PCCB: variants seen among roughly 807,000 people sequenced by gnomAD.
The protein encoded by PCCB is propionyl-CoA carboxylase subunit beta.
PCCB carries 43 observed loss-of-function variants against 60.7 expected under a neutral mutation model. The observed-to-expected ratio is 0.71, with a 90% CI of 0.55 to 0.91. The LOEUF is 0.91. Among genes scored for constraint, PCCB ranks in the 40% least tolerant of loss-of-function variants. The probability of loss-of-function intolerance (pLI) is 0.00; values close to 1 mark genes in which losing one functional copy is unlikely to be tolerated. For missense variants in PCCB, 766 were observed against 702.8 expected (o/e 1.09, Z -1.02); for synonymous variants, 276 against 255.9 (o/e 1.08, Z -0.75).
rs1446526690 is a variant in PCCB at position 136,251,669 on chromosome 3, G to A, written c.183+1111G>A. ...CTAACCTACTCTGTTAGGGCTGAGG[G>A]AGATGTTAGATCATCCTCTGGAAAG... is the stretch of plus-strand genomic sequence containing the variant. On this transcript the variant is annotated intron_variant, in intron 1 of 14. Transcript: ENST00000251654. Among the ~76,000 whole-genome samples, 7 of 152,098 alleles carry A rather than the reference G, an allele frequency of 4.6e-5. No homozygotes were observed. The East Asian group carries it at 1.3e-3, about 29-fold the overall frequency.
In PCCB at chr3:136,283,843, G is replaced by A; in HGVS notation, c.550G>A (p.Val184Ile). The change falls in exon 6 of 15, where the codon GTT becomes ATT. Residue 184 changes from valine (V) to isoleucine (I), a missense_variant. Transcript: ENST00000251654. ...TGCTTTTCTGTTTTGGCAGAGGAAT[G>A]TTACGGCATCCGGAGTCATCCCTCA... The part of the protein sequence containing the change: ...AGYADIFLRN[V>I]TASGVIPQIS... 1 of 1,610,952 alleles carries A rather than the reference G, an allele frequency of 6.2e-7. No individual in the cohort carries two copies. The highest frequency in any genetic ancestry group is 1.1e-5 in the South Asian group (1 of 91,000).
chr3:136,297,863 T>G (rs955547843), intron 7 of PCCB, 89 bp from the exon 8 acceptor site: 3 of 1,433,760 alleles, frequency 2.1e-6, no homozygotes, highest in Non-Finnish European at 3.0e-6. Context: ...GCTACTGACA[T>G]GCCCTAGAAG....
intron 4 of PCCB, 141 bp from the exon 5 acceptor site, chr3:136,261,811 G>C (rs983535636): frequency 1.5e-6 from 1 of 683,886 alleles, no homozygotes; most frequent in African/African-American, 1.8e-5. Flanking sequence ...CAATCGTGAT[G>C]GGGAGTGAAA....
rs1369992194 is a variant in PCCB, at chr3:136,261,944, T to C, written c.430-8T>C. On this transcript the variant is annotated splice_region_variant and splice_polypyrimidine_tract_variant and intron_variant, in intron 4 of 14. Coordinates refer to ENST00000251654, the MANE Select transcript of PCCB (RefSeq NM_000532.5). ...TTGTCTCAATAAAAGATTTCTCTGC[T>C]GTCTCAGATCATGGACCAGGCCATA... 1 of 1,510,216 alleles carries C rather than the reference T, an allele frequency of 6.6e-7. No homozygotes were observed. The highest frequency in any genetic ancestry group is 9.0e-7 in the Non-Finnish European group (1 of 1,107,584). 93.6% of individuals were successfully genotyped at this position (1,510,216 alleles called of 1,614,324 possible). A position where few individuals can be genotyped will look rare whatever the true frequency, so the allele number is the denominator to read the frequency against.
At chr3:136,282,939 A>G (rs1359318132) in intron 5 of PCCB, among the ~76,000 whole-genome samples, 9 of 152,160 alleles carry the variant, frequency 5.9e-5, no homozygotes. Context: ...GAACCCCAAA[A>G]TACTCGTTTT....
chr3:136,286,891 C>T (rs894406351), intron 6 of PCCB, among the ~76,000 whole-genome samples: 1 of 151,784 alleles, frequency 6.6e-6, no homozygotes, highest in Non-Finnish European at 1.5e-5. Context: ...ATTAGCCAAG[C>T]GTGGTGGTAC....
chr3:136,253,363 A>G (rs1289093518), intron 1 of PCCB, among the ~76,000 whole-genome samples: 1 of 151,654 alleles, frequency 6.6e-6, no homozygotes, highest in African/African-American at 2.4e-5. Context: ...TGTTGGGATT[A>G]CAGGCGTGAG....
chr3:136,287,235 A>C (rs955161096), intron 6 of PCCB, among the ~76,000 whole-genome samples: 2 of 152,072 alleles, frequency 1.3e-5, no homozygotes, highest in African/African-American at 4.8e-5. Context: ...TTGCCTCCCT[A>C]AACAATGTGG....
At chr3:136,284,591 A>T (rs1362362926) in intron 6 of PCCB, among the ~76,000 whole-genome samples, 1 of 152,154 alleles carries the variant, frequency 6.6e-6, no homozygotes, top group African/African-American at 2.4e-5. Context: ...GGTTGGGGGG[A>T]AAAAGTAGTG....
At chr3:136,254,118 G>C (rs1209215587) in intron 1 of PCCB, among the ~76,000 whole-genome samples, 1 of 152,082 alleles carries the variant, frequency 6.6e-6, no homozygotes. Context: ...GCCAATTTGA[G>C]GTATGTGGTT....
chr3:136,280,518 G>T (rs188303451), intron 5 of PCCB, among the ~76,000 whole-genome samples: 77 of 152,148 alleles, frequency 5.1e-4, no homozygotes, highest in Non-Finnish European at 3.2e-4. Flanking sequence ...GCTAATTTTT[G>T]TATATTTTGT....
intron 5 of PCCB, among the ~76,000 whole-genome samples, chr3:136,264,489 A>G (rs1046123853): frequency 7.1e-6 from 1 of 140,468 alleles, no homozygotes; most frequent in East Asian, 1.9e-4. Context: ...TCCAATCCAG[A>G]ATAAAGCATT....
chr3:136,299,900 ATATG>A (rs1553779848), intron 8 of PCCB, among the ~76,000 whole-genome samples: 4 of 151,506 alleles, frequency 2.6e-5, no homozygotes, highest in Non-Finnish European at 5.9e-5. Flanking sequence ...ATATGCGTAC[ATATG>A]TATGCATGTA....
intron 10 of PCCB, among the ~76,000 whole-genome samples, chr3:136,321,662 C>T (rs1935115031): frequency 6.6e-6 from 1 of 152,198 alleles, no homozygotes; most frequent in South Asian, 2.1e-4. Context: ...GTCCCTCCCT[C>T]AACACATGGG....
chr3:136,317,212 ATTTTTTTTTTTTTTTT>A lies in PCCB; in HGVS notation c.1090+163_1090+178del, dbSNP rs397694948. ...ATCTAAATGGTTGTTATAAAAGCTA[ATTTTTTTTTTTTTTTT>A]TTTTTTTTTTTTTTAGACAGGGTCT... On this transcript the variant is annotated intron_variant, in intron 10 of 14. Transcript: ENST00000251654. 0.023 allele frequency: 5,926 copies of A among 259,706 alleles called. 89 individuals carry two copies. The highest frequency in any genetic ancestry group is 0.043 in the Middle Eastern group (41 of 954). The allele number at this position is 259,706 out of a possible 1,614,324, so 16.1% of individuals were successfully genotyped here. A position where few individuals can be genotyped will look rare whatever the true frequency, so the allele number is the denominator to read the frequency against.
In PCCB at chr3:136,316,846, C is replaced by A. The variant is rs563318854; in HGVS notation, c.967-95C>A. The stretch of plus-strand genomic sequence containing the variant: ...GAGCTGGAGCTGTCTACCTCTACCT[C>A]TGTAATTCTGTAATAGAAATGTCAT... On this transcript the variant is annotated intron_variant, in intron 9 of 14. Coordinates refer to ENST00000251654, the MANE Select transcript of PCCB (RefSeq NM_000532.5). The A allele has an allele frequency of 2.1e-6, 3 of 1,437,738 alleles. No individual in the cohort carries two copies. The East Asian group carries it at 6.8e-5, about 33-fold the overall frequency. The allele number at this position is 1,437,738 out of a possible 1,614,324, so 89.1% of individuals were successfully genotyped here. A position where few individuals can be genotyped will look rare whatever the true frequency, so the allele number is the denominator to read the frequency against.
chr3:136,310,037 G>A (rs1323183522), intron 9 of PCCB, among the ~76,000 whole-genome samples: 1 of 152,028 alleles, frequency 6.6e-6, no homozygotes, highest in African/African-American at 2.4e-5. Flanking sequence ...TTTGAGACCA[G>A]CCTGGGCAAC....
chr3:136,262,927 G>C (rs937787071), intron 5 of PCCB, among the ~76,000 whole-genome samples: 1 of 150,200 alleles, frequency 6.7e-6, no homozygotes, highest in East Asian at 2.0e-4. Flanking sequence ...TCATCTAGTT[G>C]AATACATCTT....
chr3:136,275,521 A>C (rs1942313558), intron 5 of PCCB, among the ~76,000 whole-genome samples: 1 of 152,008 alleles, frequency 6.6e-6, no homozygotes, highest in Admixed American at 6.5e-5. Context: ...CTTATACCAA[A>C]ATTACTTTTC....
Sources: gnomAD v4.1 joint callset for allele counts (sites outside exome capture counted in the v4.1 genomes callset) on GRCh38, gnomAD v4.1.1 for gene constraint, MANE v1.5 for transcripts, NCBI Gene and HGNC (gene_info 2026-07-23, HGNC 2026-07-21) for gene names.